LRP1B: variants seen among roughly 807,000 people sequenced by gnomAD.
LRP1B encodes LDL receptor related protein 1B, also known as low-density lipoprotein receptor-related protein 1B.
Under a neutral mutation model 556.6 loss-of-function variants are expected in LRP1B, and 217 were observed. The ratio of observed to expected loss-of-function variants is 0.39; its 90% CI spans 0.35 to 0.44. The LOEUF (loss-of-function observed/expected upper bound fraction) is 0.44. Among genes scored for constraint, LRP1B ranks in the 20% least tolerant of loss-of-function variants. The pLI is 1.00. For synonymous variants in LRP1B, 2,047 were observed against 1,865.8 expected (o/e 1.10, Z -2.50); for missense variants, 5,053 against 5,620.8 (o/e 0.90, Z 3.23).
chr2:140,835,559 T>G (rs1184738231), intron 31 of LRP1B, among the ~76,000 whole-genome samples: 2 of 152,176 alleles, frequency 1.3e-5, no homozygotes, highest in African/African-American at 4.8e-5. Context: ...TATTTTGAGA[T>G]GAAGTTTCGC....
In LRP1B at chr2:140,939,789, G is replaced by A. The variant is rs537920090; in HGVS notation, c.3136+10446C>T. Among the ~76,000 whole-genome samples, 20 of 150,840 alleles carry A rather than the reference G, an allele frequency of 1.3e-4. No homozygotes were observed. In the South Asian group the frequency reaches 4.0e-3, roughly 30 times the overall value. ...ATCCAAACATTTAAGGAATATTTGA[G>A]TTACTTTTAGTTGCAATTAGAAAAT... On this transcript the variant is annotated intron_variant, in intron 20 of 90. Coordinates refer to ENST00000389484, the MANE Select transcript of LRP1B (RefSeq NM_018557.3).
chr2:141,922,645 G>T (rs144188054), intron 1 of LRP1B, among the ~76,000 whole-genome samples: 1 of 152,252 alleles, frequency 6.6e-6, no homozygotes, highest in African/African-American at 2.4e-5. Flanking sequence ...GGAATAAATT[G>T]CCAATTTATG....
intron 60 of LRP1B, among the ~76,000 whole-genome samples, chr2:140,461,759 G>T (rs183756327): frequency 1.3e-5 from 2 of 151,942 alleles, no homozygotes; most frequent in African/African-American, 2.4e-5. Context: ...CCTTGAACCC[G>T]GGAGGCAGAG....
At chr2:141,323,308 G>A (rs948637472) in intron 3 of LRP1B, among the ~76,000 whole-genome samples, 2 of 152,010 alleles carry the variant, frequency 1.3e-5, no homozygotes, top group South Asian at 4.1e-4. Context: ...AGGAACACAA[G>A]TACAAATATC....
chr2:141,021,813 A>T (rs1056812337), intron 11 of LRP1B, among the ~76,000 whole-genome samples: 6 of 151,988 alleles, frequency 3.9e-5, no homozygotes, highest in African/African-American at 7.2e-5. Flanking sequence ...AGGAAAGTGA[A>T]GATTATCATA....
intron 7 of LRP1B, among the ~76,000 whole-genome samples, chr2:141,066,791 C>G (rs1018048268): frequency 3.3e-5 from 5 of 151,792 alleles, no homozygotes; most frequent in South Asian, 2.1e-4. Flanking sequence ...GGTTACACGA[C>G]AAGATTTTTT....
chr2:140,919,427 A>G (rs966671189), intron 21 of LRP1B, among the ~76,000 whole-genome samples: 2 of 152,108 alleles, frequency 1.3e-5, no homozygotes, highest in Non-Finnish European at 2.9e-5. Context: ...TAGGCACATG[A>G]CTTCATTCAA....
chr2:141,584,332 G>C (rs916700278), intron 2 of LRP1B, among the ~76,000 whole-genome samples: 11 of 152,142 alleles, frequency 7.2e-5, no homozygotes, highest in African/African-American at 2.7e-4. Flanking sequence ...AGACAAAAGA[G>C]AAGTGAGATG....
At chr2:140,914,682 AAATT>A (rs1225346127) in intron 21 of LRP1B, among the ~76,000 whole-genome samples, 2 of 152,148 alleles carry the variant, frequency 1.3e-5, no homozygotes, top group East Asian at 3.9e-4. Context: ...TTATATTTTA[AAATT>A]AAATATGAGG....
chr2:140,349,620 G>A (rs563712894), intron 77 of LRP1B, among the ~76,000 whole-genome samples: 7 of 152,102 alleles, frequency 4.6e-5, no homozygotes, highest in Admixed American at 3.9e-4. Context: ...AAGCTAGGAG[G>A]CCAGTAAGCA....
intron 6 of LRP1B, among the ~76,000 whole-genome samples, chr2:141,192,281 T>TA (rs1278889291): frequency 2.0e-5 from 3 of 151,936 alleles, no homozygotes; most frequent in Non-Finnish European, 4.4e-5. Flanking sequence ...TTAAAGGTTT[T>TA]CCAAATTACA....
intron 35 of LRP1B, among the ~76,000 whole-genome samples, chr2:140,739,632 T>C (rs534593779): frequency 4.5e-4 from 68 of 152,330 alleles, no homozygotes; most frequent in Middle Eastern, 6.8e-3. Context: ...ATGTTTTAAA[T>C]GAATAATAGT....
intron 48 of LRP1B, 77 bp from the exon 49 acceptor site, chr2:140,526,070 T>C (rs768798789): frequency 1.8e-4 from 260 of 1,478,942 alleles, no homozygotes; most frequent in Non-Finnish European, 2.4e-4. Flanking sequence ...GTCATAGAGA[T>C]GAGAAAAGTT....
rs79159923 is a variant in LRP1B at position 141,694,235 on chromosome 2, T to G, written c.205+116044A>C. Among the ~76,000 whole-genome samples, 423 of 152,142 alleles carry G rather than the reference T, an allele frequency of 2.8e-3. 2 individuals carry two copies. The highest frequency in any genetic ancestry group is 9.8e-3 in the African/African-American group (407 of 41,540). ...TGTTCTTTCCAGCTTTACCACTGCA[T>G]CATGTGCCTTTCAGAATAGAAAAGG... On this transcript the variant is annotated intron_variant, in intron 2 of 90. Coordinates refer to ENST00000389484, the MANE Select transcript of LRP1B (RefSeq NM_018557.3).
At chr2:141,316,001 T>C (rs1687021257) in intron 3 of LRP1B, among the ~76,000 whole-genome samples, 1 of 149,564 alleles carries the variant, frequency 6.7e-6, no homozygotes, top group African/African-American at 2.4e-5. Flanking sequence ...TATAAAGAGT[T>C]TTACTATAGG....
intron 1 of LRP1B, among the ~76,000 whole-genome samples, chr2:141,890,588 T>C (rs1201975847): frequency 1.1e-4 from 17 of 151,794 alleles, no homozygotes; most frequent in Admixed American, 1.1e-3. Flanking sequence ...AACTCAACCA[T>C]GACTCTTTTT....
At chr2:140,994,483 G>A (rs923644031) in intron 15 of LRP1B, among the ~76,000 whole-genome samples, 1 of 151,560 alleles carries the variant, frequency 6.6e-6, no homozygotes, top group Non-Finnish European at 1.5e-5. Context: ...AAGAGGAGAT[G>A]TAGGTCAAAG....
intron 3 of LRP1B, among the ~76,000 whole-genome samples, chr2:141,469,362 A>T (rs1195486453): frequency 6.6e-6 from 1 of 152,114 alleles, no homozygotes; most frequent in Non-Finnish European, 1.5e-5. Flanking sequence ...ATATTCTGTT[A>T]TTTTAGTTCA....
At chr2:140,437,145 AG>A (rs1686218950) in intron 66 of LRP1B, among the ~76,000 whole-genome samples, 1 of 152,172 alleles carries the variant, frequency 6.6e-6, no homozygotes, top group Non-Finnish European at 1.5e-5. Flanking sequence ...TGCGTGAGTG[AG>A]GATGCCTGCA....
Sources: allele counts gnomAD v4.1 joint callset (sites outside exome capture counted in the v4.1 genomes callset), GRCh38; gene constraint gnomAD v4.1.1; transcripts MANE v1.5; gene names NCBI Gene and HGNC (gene_info 2026-07-23, HGNC 2026-07-21).